Variants in IL23R observed in about 807,000 individuals in gnomAD.
IL23R encodes the protein interleukin-23 receptor.
In IL23R, 34 loss-of-function variants were observed where a neutral mutation model predicts 56.9. The observed-to-expected ratio is 0.60, with a 90% CI of 0.45 to 0.80. The LOEUF is 0.80. Ranked by LOEUF, IL23R falls within the 30% of genes least tolerant of loss-of-function variation. IL23R has a pLI of 0.00. For missense variants in IL23R, 635 were observed against 730.0 expected (o/e 0.87, Z 1.50); for synonymous variants, 230 against 249.2 (o/e 0.92, Z 0.73).
chr1:67,243,302 T>G (rs1651973282), intron 9 of IL23R, among the ~76,000 whole-genome samples: 1 of 131,832 alleles, frequency 7.6e-6, no homozygotes, highest in African/African-American at 3.6e-5. Flanking sequence ...TGATTTAGCA[T>G]GCGGATTTCT....
chr1:67,225,597 G>A (rs1485960420), intron 7 of IL23R, among the ~76,000 whole-genome samples: 1 of 150,476 alleles, frequency 6.6e-6, no homozygotes, highest in Non-Finnish European at 1.5e-5. Flanking sequence ...TGCAACCTCC[G>A]CCTCCTGGTT....
At chr1:67,257,147 C>T (rs1395690627) in intron 10 of IL23R, among the ~76,000 whole-genome samples, 3 of 152,174 alleles carry the variant, frequency 2.0e-5, no homozygotes, top group African/African-American at 7.2e-5. Context: ...CTTTCCTATT[C>T]TGGGCTCCTG....
chr1:67,144,373 A>G (rs917592696), intron 1 of IL23R, among the ~76,000 whole-genome samples: 3 of 152,248 alleles, frequency 2.0e-5, no homozygotes, highest in Non-Finnish European at 2.9e-5. Context: ...ATCCTTTTTA[A>G]AAAACAAATT....
Position 67,217,368 on chromosome 1 carries a change from C to T in IL23R, c.799-2206C>T, listed in dbSNP as rs936136142. On this transcript the variant is annotated intron_variant, in intron 6 of 10. Transcript: ENST00000347310. The stretch of plus-strand genomic sequence containing the variant: ...GTACTTGCAGGGCCCTAAGCAGCCA[C>T]CTGGTTTGCCTCATGGTTTAAACAA... Among the ~76,000 whole-genome samples the T allele has an allele frequency of 2.6e-5, 4 of 152,134 alleles. No homozygotes were observed. In the East Asian group the frequency reaches 7.7e-4, roughly 29 times the overall value.
intron 1 of IL23R, among the ~76,000 whole-genome samples, chr1:67,158,524 GA>G (rs1483484302): frequency 1.3e-5 from 2 of 152,144 alleles, no homozygotes; most frequent in African/African-American, 2.4e-5. Context: ...AAATTTTTAG[GA>G]AAAGCGTGGC....
intron 1 of IL23R, among the ~76,000 whole-genome samples, chr1:67,142,352 A>G (rs1646645865): frequency 6.6e-6 from 1 of 152,156 alleles, no homozygotes; most frequent in South Asian, 2.1e-4. Context: ...AGATAAACCA[A>G]TGAAAAATGG....
chr1:67,150,652 T>TAAAAAA (rs3052338), intron 1 of IL23R, among the ~76,000 whole-genome samples: 5 of 95,868 alleles, frequency 5.2e-5, no homozygotes, highest in East Asian at 2.9e-4. Flanking sequence ...GAACTTAAAG[T>TAAAAAA]AAAAAAAAAA....
chr1:67,258,607 C>A lies in IL23R; in HGVS notation c.1369C>A (p.Pro457Thr). ...AGACTACAAGAAGGAGAATACAGGA[C>A]CCCTGGAGACAAGAGACTACCCGCA... ...PTDYKKENTG[P>T]LETRDYPQNS... is the part of the protein sequence containing the mutation. The change falls in exon 11 of 11, where the codon CCC becomes ACC. Residue 457 changes from proline (P) to threonine (T), a missense_variant. Pro to Thr is a conservative substitution (Grantham distance 38, BLOSUM62 -1). Coordinates refer to ENST00000347310, the MANE Select transcript of IL23R (RefSeq NM_144701.3). 1.9e-6 allele frequency: 3 copies of A among 1,613,764 alleles called. No individual in the cohort carries two copies. The highest frequency in any genetic ancestry group is 2.5e-6 in the Non-Finnish European group (3 of 1,179,908).
intron 6 of IL23R, among the ~76,000 whole-genome samples, chr1:67,209,272 G>C (rs2102642376): frequency 6.6e-6 from 1 of 152,272 alleles, no homozygotes; most frequent in Admixed American, 6.5e-5. Context: ...TTATGACTTT[G>C]GGGGACAATT....
intron 1 of IL23R, among the ~76,000 whole-genome samples, chr1:67,144,536 C>T (rs1037648188): frequency 5.3e-5 from 8 of 152,164 alleles, no homozygotes; most frequent in African/African-American, 7.2e-5. Context: ...ACCCCATGAA[C>T]AAAATTTAAT....
intron 1 of IL23R, among the ~76,000 whole-genome samples, chr1:67,148,681 T>C (rs1646703463): frequency 6.6e-6 from 1 of 152,228 alleles, no homozygotes; most frequent in African/African-American, 2.4e-5. Flanking sequence ...ATTAAAAGAT[T>C]GGCGCTACCC....
chr1:67,261,702 T>C (rs1653209193), downstream of IL23R, among the ~76,000 whole-genome samples: 1 of 152,212 alleles, frequency 6.6e-6, no homozygotes, highest in South Asian at 2.1e-4. Context: ...AAATCTTTGA[T>C]GTTTGCAAAC....
At chr1:67,243,191 T>C (rs753233000) in intron 9 of IL23R, among the ~76,000 whole-genome samples, 2 of 152,190 alleles carry the variant, frequency 1.3e-5, no homozygotes, top group African/African-American at 4.8e-5. Flanking sequence ...GTTTCTCCAA[T>C]TTAGGTGCAT....
intron 6 of IL23R, among the ~76,000 whole-genome samples, chr1:67,207,964 T>C (rs1006895668): frequency 6.6e-6 from 1 of 152,212 alleles, no homozygotes; most frequent in Non-Finnish European, 1.5e-5. Context: ...GATAGCAATA[T>C]GGACAATAAA....
At chr1:67,245,876 G>A (rs541917060) in intron 9 of IL23R, among the ~76,000 whole-genome samples, 2 of 152,274 alleles carry the variant, frequency 1.3e-5, no homozygotes, top group Admixed American at 1.3e-4. Context: ...AACAGTTTCA[G>A]AAGGAATGGT....
At chr1:67,240,665 T>G (rs1212536037) in intron 9 of IL23R, among the ~76,000 whole-genome samples, 1 of 152,198 alleles carries the variant, frequency 6.6e-6, no homozygotes, top group Non-Finnish European at 1.5e-5. Context: ...CTACAGTGCC[T>G]AGATTCTTGA....
chr1:67,227,962 CTT>C (rs1244762978), intron 7 of IL23R, among the ~76,000 whole-genome samples: 1 of 57,160 alleles, frequency 1.7e-5, no homozygotes, highest in African/African-American at 7.8e-5. Flanking sequence ...TTCTTTCTTT[CTT>C]TCTTTCTTTC....
At chr1:67,204,044 C>T (rs919281858) in intron 5 of IL23R, among the ~76,000 whole-genome samples, 1 of 152,142 alleles carries the variant, frequency 6.6e-6, no homozygotes, top group Non-Finnish European at 1.5e-5. Flanking sequence ...AAAAATATGA[C>T]ATCTATAATA....
intron 7 of IL23R, among the ~76,000 whole-genome samples, chr1:67,227,956 TTC>T (rs1385947780): frequency 1.4e-4 from 1 of 7,156 alleles, no homozygotes; most frequent in Non-Finnish European, 4.4e-4. Flanking sequence ...CTTTCTTTCT[TTC>T]TTTCTTTCTT....
Sources: allele counts gnomAD v4.1 joint callset (sites outside exome capture counted in the v4.1 genomes callset), GRCh38; gene constraint gnomAD v4.1.1; transcripts MANE v1.5; gene names NCBI Gene and HGNC (gene_info 2026-07-23, HGNC 2026-07-21).